The following SAMMSON variants were observed in gnomAD, a reference collection of about 807,000 sequenced individuals.
The protein encoded by SAMMSON is survival associated mitochondrial melanoma specific oncogenic non-coding RNA.
At chr3:70,049,647 T>G (rs181634323) in intron 3 of SAMMSON, among the ~76,000 whole-genome samples, 6 of 152,274 alleles carry the variant, frequency 3.9e-5, no homozygotes, top group Admixed American at 3.9e-4. Flanking sequence ...TTGTTGTCAC[T>G]AGCATCATCA....
chr3:70,277,183 G>C (rs1159811017), intron 6 of SAMMSON, among the ~76,000 whole-genome samples: 1 of 152,138 alleles, frequency 6.6e-6, no homozygotes, highest in Non-Finnish European at 1.5e-5. Flanking sequence ...GATTGAGAAG[G>C]CTGGAACAAT....
At chr3:70,368,223 T>C (rs994732914) in intron 9 of SAMMSON, among the ~76,000 whole-genome samples, 1 of 151,578 alleles carries the variant, frequency 6.6e-6, no homozygotes, top group African/African-American at 2.4e-5. Context: ...AATGTTTTCT[T>C]ATTTACTTCA....
chr3:70,246,569 G>T (rs978797031), intron 4 of SAMMSON, among the ~76,000 whole-genome samples: 2 of 152,142 alleles, frequency 1.3e-5, no homozygotes, highest in Admixed American at 1.3e-4. Context: ...TAATGAATCA[G>T]TTGTTAGTAT....
intron 3 of SAMMSON, among the ~76,000 whole-genome samples, chr3:70,050,531 A>G (rs2067142162): frequency 1.3e-5 from 2 of 152,144 alleles, no homozygotes; most frequent in African/African-American, 4.8e-5. Context: ...CTTGGGACCA[A>G]CATTTTAAAA....
chr3:70,406,647 G>A (rs749383937), intron 2 of SAMMSON, among the ~76,000 whole-genome samples: 2 of 152,148 alleles, frequency 1.3e-5, no homozygotes, highest in African/African-American at 4.8e-5. Flanking sequence ...TTCAATGTAG[G>A]CAATGATCAG....
chr3:70,391,897 G>C (rs1701052120), downstream of SAMMSON, among the ~76,000 whole-genome samples: 1 of 152,052 alleles, frequency 6.6e-6, no homozygotes, highest in Non-Finnish European at 1.5e-5. Context: ...CTTCTGAATA[G>C]ATTCATGCAA....
chr3:70,213,224 C>G (rs1701367781), intron 4 of SAMMSON, among the ~76,000 whole-genome samples: 1 of 152,124 alleles, frequency 6.6e-6, no homozygotes, highest in African/African-American at 2.4e-5. Flanking sequence ...CCTTTCACCT[C>G]AGCCTCCTGA....
intron 2 of SAMMSON, among the ~76,000 whole-genome samples, chr3:70,420,809 C>T (rs575068143): frequency 5.9e-5 from 9 of 152,150 alleles, no homozygotes; most frequent in Middle Eastern, 3.4e-3. Flanking sequence ...TGAAAGTATA[C>T]AAGATTAAGT....
intron 4 of SAMMSON, among the ~76,000 whole-genome samples, chr3:70,221,219 T>TTATTA (rs1701458001): frequency 6.6e-6 from 1 of 152,158 alleles, no homozygotes; most frequent in Admixed American, 6.6e-5. Context: ...CATTTATTCA[T>TTATTA]TAGTGCCTGC....
At chr3:70,289,199 G>A (rs1411628616) in intron 6 of SAMMSON, among the ~76,000 whole-genome samples, 18 of 149,578 alleles carry the variant, frequency 1.2e-4, no homozygotes, top group African/African-American at 3.9e-4. Context: ...GGCTGGTACC[G>A]GTTGTTCCTT....
intron 4 of SAMMSON, among the ~76,000 whole-genome samples, chr3:70,106,674 C>A (rs2067368487): frequency 6.6e-6 from 1 of 152,086 alleles, no homozygotes; most frequent in African/African-American, 2.4e-5. Flanking sequence ...CCAGGTGGAC[C>A]CATGCTGACG....
intron 7 of SAMMSON, among the ~76,000 whole-genome samples, chr3:70,322,651 A>G (rs1425611218): frequency 1.3e-5 from 2 of 152,170 alleles, no homozygotes; most frequent in Non-Finnish European, 1.5e-5. Flanking sequence ...TATTCTCAGT[A>G]TAACAGGACT....
chr3:70,297,801 G>T lies in SAMMSON; in HGVS notation n.739+6558G>T, dbSNP rs369484094. 1.1e-4 allele frequency among the ~76,000 whole-genome samples: 17 copies of T among 152,114 alleles called. No homozygotes were observed. The South Asian group carries it at 3.5e-3, about 32-fold the overall frequency. Reference sequence around the variant, plus strand: ...CTAAAGAAAAAGCTTAAACTAAAAAGTGTTATTATCATAAACTCACAGGCT... The same window carrying T: ...CTAAAGAAAAAGCTTAAACTAAAAATTGTTATTATCATAAACTCACAGGCT... On this transcript the variant is annotated intron_variant and non_coding_transcript_variant, in intron 7 of 9. Coordinates refer to ENST00000642114, the Ensembl canonical transcript of SAMMSON.
At chr3:70,027,791 G>A (rs1297468106) in intron 3 of SAMMSON, among the ~76,000 whole-genome samples, 4 of 152,182 alleles carry the variant, frequency 2.6e-5, no homozygotes, top group Non-Finnish European at 4.4e-5. Context: ...GCAAAGGACA[G>A]CACTGATGAT....
At chr3:70,058,802 G>C (rs1319650066) in intron 3 of SAMMSON, among the ~76,000 whole-genome samples, 1 of 151,994 alleles carries the variant, frequency 6.6e-6, no homozygotes, top group Non-Finnish European at 1.5e-5. Context: ...AAAATAGATA[G>C]GTTCTATTCT....
At chr3:70,274,730 A>T (rs1024827795) in intron 6 of SAMMSON, among the ~76,000 whole-genome samples, 17 of 152,316 alleles carry the variant, frequency 1.1e-4, no homozygotes, top group Non-Finnish European at 2.2e-4. Flanking sequence ...AAACCTGCAC[A>T]TCCTGCACAT....
intron 4 of SAMMSON, among the ~76,000 whole-genome samples, chr3:70,130,652 C>T (rs773883142): frequency 1.3e-5 from 2 of 152,128 alleles, no homozygotes; most frequent in African/African-American, 4.8e-5. Flanking sequence ...CCTGTGGAAC[C>T]GAACTCAGTT....
chr3:70,004,481 T>A (rs546031863), intron 1 of SAMMSON, among the ~76,000 whole-genome samples: 68 of 152,236 alleles, frequency 4.5e-4, no homozygotes, highest in African/African-American at 1.5e-3. Context: ...TGGGTGACAG[T>A]CAACTTGTAG....
At chr3:70,302,968 A>G (rs1430626355) in intron 7 of SAMMSON, among the ~76,000 whole-genome samples, 1 of 152,206 alleles carries the variant, frequency 6.6e-6, no homozygotes, top group Non-Finnish European at 1.5e-5. Flanking sequence ...GCCTATGAGA[A>G]CACAGAAGAT....
Sources: gnomAD v4.1 joint callset for allele counts (sites outside exome capture counted in the v4.1 genomes callset) on GRCh38, gnomAD v4.1.1 for gene constraint, MANE v1.5 for transcripts, NCBI Gene and HGNC (gene_info 2026-07-23, HGNC 2026-07-21) for gene names.